CLIC6: variants seen among roughly 807,000 people sequenced by gnomAD.
The protein encoded by CLIC6 is CLIC family member 6.
CLIC6 carries 39 observed loss-of-function variants against 49.2 expected under a neutral mutation model. That is an observed-to-expected ratio of 0.79 (90% CI 0.61 to 1.04). The LOEUF (loss-of-function observed/expected upper bound fraction) is 1.04. Ranked by LOEUF, CLIC6 falls within the 50% of genes least tolerant of loss-of-function variation. The probability of loss-of-function intolerance (pLI) is 0.00; values close to 1 mark genes in which losing one functional copy is unlikely to be tolerated. For missense variants in CLIC6, 988 were observed against 993.1 expected, an observed-to-expected ratio of 0.99 and a Z score of 0.07; for synonymous variants, 446 against 433.4, an observed-to-expected ratio of 1.03 and a Z score of -0.36.
intron 4 of CLIC6, 69 bp from the exon 5 acceptor site, chr21:34,709,288 A>C: frequency 7.0e-7 from 1 of 1,424,502 alleles, no homozygotes; most frequent in Admixed American, 1.8e-5. Context: ...AGCAAACTCC[A>C]TCACAGCTGG....
chr21:34,698,063 G>A (rs1359608086), intron 1 of CLIC6, among the ~76,000 whole-genome samples: 1 of 152,236 alleles, frequency 6.6e-6, no homozygotes, highest in Non-Finnish European at 1.5e-5. Context: ...GGAGCTCACT[G>A]TGATGAGGAA....
chr21:34,709,446 G>A lies in CLIC6; in HGVS notation c.1807G>A (p.Glu603Lys), dbSNP rs1164165275. Residue 603 changes from glutamate to lysine, a missense_variant, in exon 5 of 6, where the codon GAG becomes AAG. Transcript: ENST00000349499. ...TGATGAAATAGATGCCTACAGCACC[G>A]AGGATGTCACTGTTTCTGGAAGGAA... The part of the protein sequence containing the change: ...LPDEIDAYST[E>K]DVTVSGRKFL... 4.3e-6 allele frequency: 7 copies of A among 1,613,992 alleles called. No individual in the cohort carries two copies. The highest frequency in any genetic ancestry group is 2.7e-5 in the African/African-American group (2 of 75,030).
Position 34,716,534 on chromosome 21 carries a change from A to G in CLIC6, c.*52A>G, listed in dbSNP as rs1459026824. 6.8e-7 allele frequency: 1 copy of G among 1,474,610 alleles called. No homozygotes were observed. The highest frequency in any genetic ancestry group is 1.8e-4 in the Middle Eastern group (1 of 5,610). 91.3% of individuals were successfully genotyped at this position (1,474,610 alleles called of 1,614,324 possible). A position where few individuals can be genotyped will look rare whatever the true frequency, so the allele number is the denominator to read the frequency against. On this transcript the variant is annotated 3_prime_UTR_variant, in exon 6 of 6. Transcript: ENST00000349499. ...TCAGTTGAGTGAGCAAGGATACGAA[A>G]ACAGTGTGTTTGAAAACAAATTAGG...
chr21:34,709,292 C>T (rs1225872732), intron 4 of CLIC6, 65 bp from the exon 5 acceptor site: 7 of 1,442,276 alleles, frequency 4.9e-6, no homozygotes, highest in Non-Finnish European at 6.7e-6. Context: ...AACTCCATCA[C>T]AGCTGGTGAA....
chr21:34,670,143 C>T lies in CLIC6; in HGVS notation c.755C>T (p.Ala252Val), dbSNP rs1989518377. The T allele has an allele frequency of 7.4e-7, 1 of 1,342,660 alleles. No individual in the cohort carries two copies. Among genetic ancestry groups the T allele is most frequent in the Admixed American group, 3.6e-5 (1 of 27,990 alleles). The allele number at this position is 1,342,660 out of a possible 1,614,324, so 83.2% of individuals were successfully genotyped here. ...AEGRVGDSVE[A>V]GDPAGDGVEA... ...GGCCGGGTGGGGGACAGCGTAGAGGCGGGGGACCCGGCGGGGGACGGCGTA... is the reference window on the plus strand; with the variant it reads ...GGCCGGGTGGGGGACAGCGTAGAGGTGGGGGACCCGGCGGGGGACGGCGTA... Residue 252 changes from alanine to valine, a missense_variant, in exon 1 of 6, where the codon GCG becomes GTG. Physicochemically the swap from Ala to Val is moderately conservative, Grantham distance 64. Around this residue, in one of 3 missense-constraint regions of CLIC6, gnomAD observed 57 missense variants for 117.6 expected, o/e 0.48. Transcript: ENST00000349499.
chr21:34,710,257 G>T (rs988997584), intron 5 of CLIC6, among the ~76,000 whole-genome samples: 1 of 152,124 alleles, frequency 6.6e-6, no homozygotes, highest in African/African-American at 2.4e-5. Context: ...TGGCCTGGGT[G>T]ACAGAGTGAG....
intron 1 of CLIC6, among the ~76,000 whole-genome samples, chr21:34,697,307 G>A (rs1328881267): frequency 6.6e-6 from 1 of 152,168 alleles, no homozygotes; most frequent in African/African-American, 2.4e-5. Context: ...GGCCGTCCCT[G>A]TATTAGCTGG....
At chr21:34,671,342 G>A (rs1207130825) in intron 1 of CLIC6, among the ~76,000 whole-genome samples, 4 of 152,088 alleles carry the variant, frequency 2.6e-5, no homozygotes, top group Non-Finnish European at 5.9e-5. Context: ...AATCAACAAT[G>A]TACGTTTAGG....
At chr21:34,671,077 C>G (rs1423359616) in intron 1 of CLIC6, among the ~76,000 whole-genome samples, 1 of 146,518 alleles carries the variant, frequency 6.8e-6, no homozygotes, top group Non-Finnish European at 1.5e-5. Context: ...ACATCCTAAC[C>G]AGCCCTCCTA....
At chr21:34,691,485 G>A (rs958086462) in intron 1 of CLIC6, among the ~76,000 whole-genome samples, 3 of 151,670 alleles carry the variant, frequency 2.0e-5, no homozygotes, top group East Asian at 1.9e-4. Flanking sequence ...TGGCTTAAGT[G>A]TAAAGCTTGT....
intron 1 of CLIC6, among the ~76,000 whole-genome samples, chr21:34,671,509 T>G (rs1216776626): frequency 2.0e-5 from 3 of 152,224 alleles, no homozygotes; most frequent in East Asian, 3.8e-4. Context: ...TGAAGGAATC[T>G]GTAGAGACAC....
At chr21:34,693,169 C>G (rs1043251434) in intron 1 of CLIC6, among the ~76,000 whole-genome samples, 2 of 152,176 alleles carry the variant, frequency 1.3e-5, no homozygotes, top group Admixed American at 6.5e-5. Flanking sequence ...TGCCTTCTTC[C>G]GGTGATTCTT....
In CLIC6 at chr21:34,718,002, G is replaced by A. The variant is rs1401240099; in HGVS notation, c.*1520G>A. On this transcript the variant is annotated 3_prime_UTR_variant, in exon 6 of 6. Coordinates refer to ENST00000349499, the MANE Select transcript of CLIC6 (RefSeq NM_053277.3). ...CTGTCTTTGTCAACCATACGTTTTTGGAGATTGGGTCTAGCACATGTCACC... is the reference window on the plus strand; with the variant it reads ...CTGTCTTTGTCAACCATACGTTTTTAGAGATTGGGTCTAGCACATGTCACC... The A allele has an allele frequency of 3.3e-5, 5 of 152,580 alleles. No individual in the cohort carries two copies. The highest frequency in any genetic ancestry group is 1.2e-4 in the African/African-American group (5 of 41,438). The allele number at this position is 152,580 out of a possible 1,614,324, so 9.5% of individuals were successfully genotyped here. A position where few individuals can be genotyped will look rare whatever the true frequency, so the allele number is the denominator to read the frequency against.
intron 5 of CLIC6, among the ~76,000 whole-genome samples, chr21:34,712,568 AC>A (rs1241722905): frequency 6.6e-6 from 1 of 152,068 alleles, no homozygotes; most frequent in Non-Finnish European, 1.5e-5. Context: ...CCCTATAGAG[AC>A]CCTTGTTGAG....
rs369190292 is a variant in CLIC6 at position 34,682,867 on chromosome 21, G to A, written c.1374+12105G>A. ...CGCTGTGTCTCCCAGGTTGGAGTGCGGTGGCGCGATCTCGGCTCACTGCAA... is the reference window on the plus strand; with the variant it reads ...CGCTGTGTCTCCCAGGTTGGAGTGCAGTGGCGCGATCTCGGCTCACTGCAA... On this transcript the variant is annotated intron_variant, in intron 1 of 5. Coordinates refer to ENST00000349499, the MANE Select transcript of CLIC6 (RefSeq NM_053277.3). Among the ~76,000 whole-genome samples the A allele has an allele frequency of 5.0e-3, 673 of 133,704 alleles. 6 individuals are homozygous for A. The highest frequency in any genetic ancestry group is 0.018 in the African/African-American group (627 of 35,642). The allele number at this position is 133,704 out of a possible 152,430, so 87.7% of individuals were successfully genotyped here.
chr21:34,713,146 G>A (rs1055120664), intron 5 of CLIC6, among the ~76,000 whole-genome samples: 1 of 152,146 alleles, frequency 6.6e-6, no homozygotes, highest in African/African-American at 2.4e-5. Context: ...GAAAAGAAGG[G>A]GGTGGGGGGA....
chr21:34,696,525 G>A (rs1990091389), intron 1 of CLIC6, among the ~76,000 whole-genome samples: 1 of 152,138 alleles, frequency 6.6e-6, no homozygotes, highest in African/African-American at 2.4e-5. Context: ...TGACTGCCTG[G>A]GTTCAAATCC....
chr21:34,708,700 G>T lies in CLIC6; in HGVS notation c.1611G>T (p.Arg537Ser), dbSNP rs752847722. The T allele has an allele frequency of 3.7e-6, 6 of 1,611,558 alleles. No individual in the cohort carries two copies. The South Asian group carries it at 5.5e-5, about 15-fold the overall frequency. ...EFLEEKLAPP[R>S]YPKLGTQHPE... Reference sequence around the variant, plus strand: ...ATCCTCCAATTTTGAACTTTTCAAGGTATCCCAAGCTGGGGACCCAACATC... The same window carrying T: ...ATCCTCCAATTTTGAACTTTTCAAGTTATCCCAAGCTGGGGACCCAACATC... The change falls in exon 4 of 6, where the codon AGG becomes AGT. Residue 537 changes from arginine to serine, a missense_variant and splice_region_variant. Arg to Ser is a moderately radical substitution (Grantham distance 110, BLOSUM62 -1). Coordinates refer to ENST00000349499, the MANE Select transcript of CLIC6 (RefSeq NM_053277.3).
chr21:34,717,776 GT>G lies in CLIC6; in HGVS notation c.*1295del, dbSNP rs2056095936. 6.6e-6 allele frequency: 1 copy of G among 152,224 alleles called. No homozygotes were observed. Among genetic ancestry groups the G allele is most frequent in the Non-Finnish European group, 1.5e-5 (1 of 68,046 alleles). 9.4% of individuals were successfully genotyped at this position (152,224 alleles called of 1,614,324 possible). On this transcript the variant is annotated 3_prime_UTR_variant, in exon 6 of 6. Transcript: ENST00000349499. The stretch of plus-strand genomic sequence containing the variant: ...AACCCTCCTTGTAGAGTTGGTTGTG[GT>G]ATGTGTTTGATGCTATAAAGCTCAT...
Sources: allele counts gnomAD v4.1 joint callset (sites outside exome capture counted in the v4.1 genomes callset), GRCh38; gene constraint gnomAD v4.1.1; regional missense constraint gnomAD v4.1.1; transcripts MANE v1.5; gene names NCBI Gene and HGNC (gene_info 2026-07-23, HGNC 2026-07-21).